The following SLF1 variants were observed in gnomAD, a reference collection of about 807,000 sequenced individuals.
SLF1 encodes the protein SMC5/6 complex localization factor 1, also known as SMC5-SMC6 complex localization factor protein 1.
A neutral mutation model predicts 123.0 loss-of-function variants in SLF1; 105 were observed. The ratio of observed to expected loss-of-function variants is 0.85; its 90% CI spans 0.73 to 1.00. The LOEUF (loss-of-function observed/expected upper bound fraction) is 1.00. Ranked by LOEUF, SLF1 falls within the 50% of genes least tolerant of loss-of-function variation. The probability of loss-of-function intolerance (pLI) is 0.00; values close to 1 mark genes in which losing one functional copy is unlikely to be tolerated. For synonymous variants in SLF1, 434 were observed against 406.6 expected (o/e 1.07, Z -0.81); for missense variants, 1,239 against 1,223.0 (o/e 1.01, Z -0.20).
In SLF1 at chr5:94,628,903, T is replaced by C. The variant is rs755481439; in HGVS notation, c.93T>C (p.Asp31=). Residue 31 remains aspartate (D), a synonymous_variant, in exon 2 of 21, where the codon GAT becomes GAC. Coordinates refer to ENST00000265140, the MANE Select transcript of SLF1 (RefSeq NM_032290.4). ...TAGTCAAATTACTTTTAAAACTAGA[T>C]TGCACTTTTATTAAGAGTGAGGTAA... The part of the protein sequence containing the change: ...EALVKLLLKL[D]CTFIKSEKYK... 5 of 1,547,330 alleles carry C rather than the reference T, an allele frequency of 3.2e-6. No individual in the cohort carries two copies. The highest frequency in any genetic ancestry group is 3.5e-6 in the Non-Finnish European group (4 of 1,145,114).
At chr5:94,653,561 T>A in intron 8 of SLF1, 140 bp downstream of exon 8, 1 of 711,552 alleles carries the variant, frequency 1.4e-6, no homozygotes, top group Non-Finnish European at 2.1e-6. Context: ...ATATTCCAGT[T>A]AACTTTGGTT....
chr5:94,627,790 A>G (rs993016901), intron 1 of SLF1, among the ~76,000 whole-genome samples: 1 of 150,988 alleles, frequency 6.6e-6, no homozygotes, highest in African/African-American at 2.4e-5. Flanking sequence ...ATCTGATTGT[A>G]TCATTGTCTG....
intron 5 of SLF1, among the ~76,000 whole-genome samples, chr5:94,648,717 T>A (rs1208103531): frequency 6.6e-6 from 1 of 152,212 alleles, no homozygotes; most frequent in Non-Finnish European, 1.5e-5. Context: ...TCTGACCTCG[T>A]GATCCACCCG....
chr5:94,628,543 G>A (rs1419669258), intron 1 of SLF1, among the ~76,000 whole-genome samples: 1 of 152,196 alleles, frequency 6.6e-6, no homozygotes, highest in African/African-American at 2.4e-5. Context: ...GTGTTTTAGT[G>A]TCAAGTAATG....
At chr5:94,647,339 G>T (rs1339064622) in intron 5 of SLF1, among the ~76,000 whole-genome samples, 1 of 152,144 alleles carries the variant, frequency 6.6e-6, no homozygotes, top group Non-Finnish European at 1.5e-5. Flanking sequence ...TTCTTCTTAT[G>T]CATCTGGTCT....
Position 94,669,135 on chromosome 5 carries a change from G to A in SLF1, c.1533-1016G>A, listed in dbSNP as rs144019699. 3.8e-3 allele frequency among the ~76,000 whole-genome samples: 571 copies of A among 152,254 alleles called. 3 individuals are homozygous for A. The highest frequency in any genetic ancestry group is 4.8e-3 in the Non-Finnish European group (327 of 68,002). ...TTAGGGAAGTGGTAGGAATATGAAT[G>A]AGCTAAGTAATACTAGTCTCTACTT... On this transcript the variant is annotated intron_variant, in intron 12 of 20. Transcript: ENST00000265140.
At chr5:94,681,834 G>A (rs1751817211) in intron 15 of SLF1, among the ~76,000 whole-genome samples, 1 of 152,142 alleles carries the variant, frequency 6.6e-6, no homozygotes. Context: ...TGTTAGTGCA[G>A]GTTGATGTTT....
intron 14 of SLF1, among the ~76,000 whole-genome samples, chr5:94,677,230 T>C (rs1751177367): frequency 6.6e-6 from 1 of 152,188 alleles, no homozygotes; most frequent in African/African-American, 2.4e-5. Context: ...AGTGTGAAAA[T>C]AATATTTTAA....
chr5:94,670,525 T>C (rs1319692995), intron 13 of SLF1, among the ~76,000 whole-genome samples: 3 of 151,838 alleles, frequency 2.0e-5, no homozygotes, highest in Admixed American at 6.6e-5. Flanking sequence ...TTTCATTTTT[T>C]AGGATTTTAA....
At chr5:94,646,153 G>A (rs1747021603) in intron 5 of SLF1, among the ~76,000 whole-genome samples, 1 of 152,186 alleles carries the variant, frequency 6.6e-6, no homozygotes, top group Admixed American at 6.5e-5. Flanking sequence ...TTAAGCTGAG[G>A]CAGGTTTGCT....
At chr5:94,638,084 G>A (rs990839449) in intron 4 of SLF1, among the ~76,000 whole-genome samples, 2 of 152,278 alleles carry the variant, frequency 1.3e-5, no homozygotes, top group Middle Eastern at 3.4e-3. Flanking sequence ...CTCTGATTTG[G>A]TGCCATTGAT....
At chr5:94,667,490 A>AC (rs912606008) in intron 12 of SLF1, among the ~76,000 whole-genome samples, 5 of 151,798 alleles carry the variant, frequency 3.3e-5, no homozygotes, top group East Asian at 1.9e-4. Flanking sequence ...CTTCCAAAGT[A>AC]CCCCCCCACA....
rs746830796 is a variant in SLF1 at position 94,678,866 on chromosome 5, A to C, written c.1886A>C (p.Tyr629Ser). The change falls in exon 15 of 21, where the codon TAT becomes TCT. Residue 629 changes from tyrosine to serine, a missense_variant. Coordinates refer to ENST00000265140, the MANE Select transcript of SLF1 (RefSeq NM_032290.4). Reference sequence around the variant, plus strand: ...GGAATTCTTGGAGCAGCAATAGATTATTGGATTTTCCTTGGTCTTAAGATG... The same window carrying C: ...GGAATTCTTGGAGCAGCAATAGATTCTTGGATTTTCCTTGGTCTTAAGATG... ...LAGILGAAID[Y>S]WIFLGLKMGR... 1.5e-5 allele frequency: 24 copies of C among 1,613,784 alleles called. No homozygotes were observed. The highest frequency in any genetic ancestry group is 2.0e-5 in the Non-Finnish European group (24 of 1,179,820).
At chr5:94,665,767 G>A in intron 11 of SLF1, 94 bp from the exon 12 acceptor site, 1 of 1,141,456 alleles carries the variant, frequency 8.8e-7, no homozygotes, top group Non-Finnish European at 1.2e-6. Context: ...AAGAAAGTTA[G>A]GCCAGGGTTA....
intron 1 of SLF1, among the ~76,000 whole-genome samples, chr5:94,624,457 T>C (rs1792055449): frequency 6.6e-6 from 1 of 152,168 alleles, no homozygotes; most frequent in Non-Finnish European, 1.5e-5. Context: ...GAAAACTGCT[T>C]TACACACTAA....
intron 1 of SLF1, among the ~76,000 whole-genome samples, chr5:94,626,201 C>T (rs373445136): frequency 1.6e-4 from 24 of 148,304 alleles, no homozygotes; most frequent in African/African-American, 5.3e-4. Flanking sequence ...TGCACTGAGC[C>T]GAGATCACGC....
chr5:94,629,031 G>T, intron 2 of SLF1, 61 bp from the exon 3 acceptor site: 2 of 1,431,780 alleles, frequency 1.4e-6, no homozygotes, highest in East Asian at 5.0e-5. Flanking sequence ...CAATAAAAAG[G>T]ATGTGTCATA....
chr5:94,665,752 C>A, intron 11 of SLF1, 109 bp from the exon 12 acceptor site: 1 of 1,043,762 alleles, frequency 9.6e-7, no homozygotes, highest in Non-Finnish European at 1.4e-6. Context: ...GACTCCGTCT[C>A]AAAAAAGAAA....
intron 1 of SLF1, among the ~76,000 whole-genome samples, chr5:94,627,590 A>ATATATATATG (rs1561418903): frequency 1.0e-5 from 1 of 97,698 alleles, no homozygotes; most frequent in African/African-American, 4.6e-5. Flanking sequence ...ATTAACATAT[A>ATATATATATG]TATATATATA....
Sources: allele counts gnomAD v4.1 joint callset (sites outside exome capture counted in the v4.1 genomes callset), GRCh38; gene constraint gnomAD v4.1.1; transcripts MANE v1.5; gene names NCBI Gene and HGNC (gene_info 2026-07-23, HGNC 2026-07-21).